ANKS1B: variants seen among roughly 807,000 people sequenced by gnomAD.
The protein encoded by ANKS1B is ankyrin repeat and sterile alpha motif domain containing 1B.
A neutral mutation model predicts 148.3 loss-of-function variants in ANKS1B; 36 were observed. The observed-to-expected ratio is 0.24, with a 90% CI of 0.19 to 0.32. ANKS1B has a LOEUF of 0.32. ANKS1B is among the 10% of genes least tolerant of loss of function. The pLI, the probability that ANKS1B is intolerant of heterozygous loss-of-function variation, is 1.00. For missense variants in ANKS1B, 1,157 were observed against 1,542.6 expected (o/e 0.75, Z 4.19); for synonymous variants, 542 against 560.8 (o/e 0.97, Z 0.47).
intron 14 of ANKS1B, among the ~76,000 whole-genome samples, chr12:99,219,086 TTAGAGATCTGG>T (rs2084685919): frequency 6.6e-6 from 1 of 152,184 alleles, no homozygotes; most frequent in African/African-American, 2.4e-5. Flanking sequence ...TGAATTCTCA[TTAGAGATCTGG>T]TAGTTCCAGT....
At chr12:99,145,908 C>T (rs938673237) in intron 15 of ANKS1B, among the ~76,000 whole-genome samples, 5 of 151,608 alleles carry the variant, frequency 3.3e-5, no homozygotes, top group African/African-American at 1.2e-4. Flanking sequence ...CTAATATTGA[C>T]CGTATTGGTG....
At chr12:99,672,746 C>T (rs2098544092) in intron 8 of ANKS1B, among the ~76,000 whole-genome samples, 1 of 152,134 alleles carries the variant, frequency 6.6e-6, no homozygotes, top group Non-Finnish European at 1.5e-5. Flanking sequence ...TACTCTCCCC[C>T]AGCCATAGAA....
chr12:99,439,399 C>T (rs1349575192), intron 11 of ANKS1B, among the ~76,000 whole-genome samples: 1 of 151,514 alleles, frequency 6.6e-6, no homozygotes, highest in East Asian at 1.9e-4. Context: ...AGTGCATACA[C>T]CTGAGAAAGG....
At chr12:99,319,273 G>A (rs1324873945) in intron 12 of ANKS1B, among the ~76,000 whole-genome samples, 1 of 151,264 alleles carries the variant, frequency 6.6e-6, no homozygotes, top group Non-Finnish European at 1.5e-5. Flanking sequence ...GACAGTGGGG[G>A]GTTGTCTCCC....
intron 9 of ANKS1B, among the ~76,000 whole-genome samples, chr12:99,541,371 C>T (rs1386205843): frequency 6.6e-6 from 1 of 152,142 alleles, no homozygotes; most frequent in African/African-American, 2.4e-5. Flanking sequence ...GTAGACACAA[C>T]AACCTTCCAC....
rs149973069 is a variant in ANKS1B at position 99,000,813 on chromosome 12, G to A, written c.2778+52344C>T. 3.0e-3 allele frequency among the ~76,000 whole-genome samples: 463 copies of A among 152,152 alleles called. 2 individuals are homozygous for A. Among genetic ancestry groups the A allele is most frequent in the African/African-American group, 0.011 (451 of 41,504 alleles). On this transcript the variant is annotated intron_variant, in intron 17 of 26. Coordinates refer to ENST00000683438, the MANE Select transcript of ANKS1B (RefSeq NM_001352186.2). Reference sequence around the variant, plus strand: ...ATTCTACTCTCGCATTATGTGAAATGGACTATTCTAGATACCTCCTCAAAG... The same window carrying A: ...ATTCTACTCTCGCATTATGTGAAATAGACTATTCTAGATACCTCCTCAAAG...
At chr12:99,671,197 A>C (rs571929052) in intron 8 of ANKS1B, among the ~76,000 whole-genome samples, 1 of 152,268 alleles carries the variant, frequency 6.6e-6, no homozygotes, top group African/African-American at 2.4e-5. Context: ...CTGCAAGATG[A>C]CTAGCACAGT....
chr12:99,625,863 T>A (rs1471431369), intron 9 of ANKS1B, among the ~76,000 whole-genome samples: 1 of 152,012 alleles, frequency 6.6e-6, no homozygotes, highest in Non-Finnish European at 1.5e-5. Flanking sequence ...AGGGTAATGA[T>A]AGTAGAGAAT....
intron 1 of ANKS1B, among the ~76,000 whole-genome samples, chr12:99,874,759 T>C (rs540171585): frequency 6.6e-6 from 1 of 152,326 alleles, no homozygotes; most frequent in South Asian, 2.1e-4. Flanking sequence ...CTTACAAGTT[T>C]TATAACTGGA....
At chr12:99,908,564 G>C (rs1325893757) in intron 1 of ANKS1B, among the ~76,000 whole-genome samples, 3 of 152,088 alleles carry the variant, frequency 2.0e-5, no homozygotes, top group African/African-American at 7.2e-5. Flanking sequence ...CTGAGCGACA[G>C]AAAGAAACCC....
chr12:99,402,967 C>T (rs74960338), intron 11 of ANKS1B, among the ~76,000 whole-genome samples: 2,339 of 144,940 alleles, frequency 0.016, 247 homozygotes, highest in Middle Eastern at 0.028. Flanking sequence ...TTCTCCACAA[C>T]CTTCCCAGCA....
chr12:99,194,872 T>C (rs2081205810), intron 14 of ANKS1B, among the ~76,000 whole-genome samples: 1 of 152,146 alleles, frequency 6.6e-6, no homozygotes, highest in Admixed American at 6.5e-5. Context: ...TAGAAGGAAA[T>C]ATGGTTATTT....
chr12:99,605,459 C>T (rs902064579), intron 9 of ANKS1B, among the ~76,000 whole-genome samples: 3 of 152,008 alleles, frequency 2.0e-5, no homozygotes, highest in African/African-American at 7.2e-5. Flanking sequence ...TTTGAACCCA[C>T]TGACCAACCT....
At position 99,285,186 on chromosome 12, in the gene ANKS1B, T is replaced by C. The variant is rs115210633; in HGVS notation, c.1757-38322A>G. The stretch of plus-strand genomic sequence containing the variant: ...CTGTCACTATAGGTAAGTTTAGCTT[T>C]TCTAGAATTTTATCTAAATGAAATT... On this transcript the variant is annotated intron_variant, in intron 12 of 26. Transcript: ENST00000683438. 3.9e-3 allele frequency among the ~76,000 whole-genome samples: 592 copies of C among 152,322 alleles called. 7 individuals are homozygous for C. The highest frequency in any genetic ancestry group is 0.014 in the African/African-American group (562 of 41,578).
chr12:98,776,025 T>A (rs538437971), intron 24 of ANKS1B, among the ~76,000 whole-genome samples: 53 of 152,348 alleles, frequency 3.5e-4, no homozygotes, highest in African/African-American at 1.2e-3. Flanking sequence ...GAGGCAGGTA[T>A]TTTTGAACAG....
At chr12:98,747,108 A>G (rs2097912084) in intron 26 of ANKS1B, among the ~76,000 whole-genome samples, 1 of 152,274 alleles carries the variant, frequency 6.6e-6, no homozygotes, top group Admixed American at 6.5e-5. Flanking sequence ...AGCGAAGGAA[A>G]CAATCAACAA....
intron 12 of ANKS1B, among the ~76,000 whole-genome samples, chr12:99,267,775 G>A (rs931752633): frequency 2.0e-5 from 3 of 152,186 alleles, no homozygotes; most frequent in African/African-American, 7.2e-5. Context: ...GAAAAAGATG[G>A]AGCCTTGGAG....
chr12:99,309,688 T>C (rs767179959), intron 12 of ANKS1B, among the ~76,000 whole-genome samples: 2 of 152,138 alleles, frequency 1.3e-5, no homozygotes, highest in Non-Finnish European at 2.9e-5. Flanking sequence ...CCATTTTATT[T>C]CAGGACAATC....
At chr12:99,492,091 C>T (rs2096560990) in intron 10 of ANKS1B, among the ~76,000 whole-genome samples, 1 of 151,800 alleles carries the variant, frequency 6.6e-6, no homozygotes, top group Non-Finnish European at 1.5e-5. Context: ...CATGAAAAAC[C>T]GTTCAAAAGA....
Sources: allele counts gnomAD v4.1 joint callset (sites outside exome capture counted in the v4.1 genomes callset), GRCh38; gene constraint gnomAD v4.1.1; transcripts MANE v1.5; gene names NCBI Gene and HGNC (gene_info 2026-07-23, HGNC 2026-07-21).